Variants in HLA-DMA observed in about 807,000 individuals in gnomAD.
The protein encoded by HLA-DMA is major histocompatibility complex, class II, DM alpha.
HLA-DMA carries 20 observed loss-of-function variants against 27.3 expected under a neutral mutation model. The ratio of observed to expected loss-of-function variants is 0.73; its 90% CI spans 0.52 to 1.07. The LOEUF is 1.07. Among genes scored for constraint, HLA-DMA ranks in the 50% least tolerant of loss-of-function variants. The pLI, the probability that HLA-DMA is intolerant of heterozygous loss-of-function variation, is 0.00. For missense variants in HLA-DMA, 241 were observed against 321.7 expected (o/e 0.75, Z 1.92); for synonymous variants, 111 against 126.8 (o/e 0.88, Z 0.83).
Position 32,949,156 on chromosome 6 carries a change from A to C in HLA-DMA, c.781+115T>G, listed in dbSNP as rs537941911. 45 of 1,410,808 alleles carry C rather than the reference A, an allele frequency of 3.2e-5. No homozygotes were observed. In the South Asian group the frequency reaches 4.9e-4, roughly 15 times the overall value. The allele number at this position is 1,410,808 out of a possible 1,614,324, so 87.4% of individuals were successfully genotyped here. A position where few individuals can be genotyped will look rare whatever the true frequency, so the allele number is the denominator to read the frequency against. ...TGCTGGATACAGGCCCCCACACCCA[A>C]GGGCCTGAGGATCGCTATATGTCCC... On this transcript the variant is annotated intron_variant, in intron 4 of 4. Transcript: ENST00000374843. The surrounding 1 kb of genome is among the most constrained non-coding windows in gnomAD (Gnocchi z 5.8).
chr6:32,949,321 A>C lies in HLA-DMA; in HGVS notation c.731T>G (p.Ile244Ser). ...GVAFGLGVLG[I>S]IVGIVLIIYF... ...GATGATGAGAACAATGCCCACGATG[A>C]TGCCCAGCACACCCAGGCCAAAGGC... Residue 244 changes from isoleucine to serine, a missense_variant, in exon 4 of 5, where the codon ATC (isoleucine) becomes AGC (serine). Physicochemically the swap from Ile to Ser is moderately radical, Grantham distance 142. Transcript: ENST00000374843. The surrounding 1 kb of genome is among the most constrained non-coding windows in gnomAD (Gnocchi z 5.8). The C allele has an allele frequency of 6.2e-7, 1 of 1,614,214 alleles. No individual in the cohort carries two copies. The highest frequency in any genetic ancestry group is 8.5e-7 in the Non-Finnish European group (1 of 1,180,044).
At position 32,950,857 on chromosome 6, in the gene HLA-DMA, T is replaced by G. The variant is rs866050894; in HGVS notation, c.89-54A>C. 1 of 1,562,222 alleles carries G rather than the reference T, an allele frequency of 6.4e-7. No individual in the cohort carries two copies. Among genetic ancestry groups the G allele is most frequent in the Middle Eastern group, 1.7e-4 (1 of 5,804 alleles). ...GAGGTGGGAGCCTTCTCCTCCAACT[T>G]AAAAAACAGCAAGGTGGGGCTAGGC... On this transcript the variant is annotated intron_variant, in intron 1 of 4. Coordinates refer to ENST00000374843, the MANE Select transcript of HLA-DMA (RefSeq NM_006120.4). This position sits in a 1 kb window ranked among gnomAD's most constrained non-coding sequence, Gnocchi z 5.0.
At chr6:32,951,191 G>A (rs1011282375) in intron 1 of HLA-DMA, among the ~76,000 whole-genome samples, 4 of 152,080 alleles carry the variant, frequency 2.6e-5, no homozygotes, top group African/African-American at 7.2e-5. Context: ...CTTAAGGAGC[G>A]TGGGCTGAGG....
At position 32,949,214 on chromosome 6, in the gene HLA-DMA, G is replaced by C; in HGVS notation, c.781+57C>G. The C allele has an allele frequency of 2.5e-6, 4 of 1,608,782 alleles. No individual in the cohort carries two copies. In the Admixed American group the frequency reaches 6.7e-5, roughly 27 times the overall value. ...CACAAAATAATCCTGACACATGCAC[G>C]CATGCACCACTGTATCTGGCTCCCA... On this transcript the variant is annotated intron_variant, in intron 4 of 4. Coordinates refer to ENST00000374843, the MANE Select transcript of HLA-DMA (RefSeq NM_006120.4). This position sits in a 1 kb window ranked among gnomAD's most constrained non-coding sequence, Gnocchi z 5.8.
chr6:32,949,469 T>A lies in HLA-DMA; in HGVS notation c.653-70A>T, dbSNP rs1019417472. On this transcript the variant is annotated intron_variant, in intron 3 of 4. Coordinates refer to ENST00000374843, the MANE Select transcript of HLA-DMA (RefSeq NM_006120.4). This position sits in a 1 kb window ranked among gnomAD's most constrained non-coding sequence, Gnocchi z 5.8. The stretch of plus-strand genomic sequence containing the variant: ...CTCCCACCCAGGGAAATGACGTGGG[T>A]GTCTGGGATGACATGGGAGACTGGG... The A allele has an allele frequency of 6.2e-7, 1 of 1,606,930 alleles. No homozygotes were observed. Among genetic ancestry groups the A allele is most frequent in the Non-Finnish European group, 8.5e-7 (1 of 1,174,684 alleles).
chr6:32,952,709 T>C (rs1434385964), intron 1 of HLA-DMA, among the ~76,000 whole-genome samples: 1 of 152,238 alleles, frequency 6.6e-6, no homozygotes, highest in Non-Finnish European at 1.5e-5. Context: ...TGAGTCTCAT[T>C]TTCTTCATTT....
chr6:32,952,827 TC>T (rs1314722389), intron 1 of HLA-DMA, 121 bp downstream of exon 1: 8 of 712,100 alleles, frequency 1.1e-5, no homozygotes, highest in Non-Finnish European at 2.0e-5. Flanking sequence ...CTTTCCCCAC[TC>T]CCCTGTTGTT....
Position 32,950,426 on chromosome 6 carries a change from G to A in HLA-DMA, c.373+93C>T. 7.1e-7 allele frequency: 1 copy of A among 1,402,796 alleles called. No homozygotes were observed. Among genetic ancestry groups the A allele is most frequent in the Non-Finnish European group, 9.9e-7 (1 of 1,011,198 alleles). 86.9% of individuals were successfully genotyped at this position (1,402,796 alleles called of 1,614,324 possible). On this transcript the variant is annotated intron_variant, in intron 2 of 4. Transcript: ENST00000374843. The surrounding 1 kb of genome is among the most constrained non-coding windows in gnomAD (Gnocchi z 5.0). Reference sequence around the variant, plus strand: ...ATGAAGAGAACCAGAAAGTATTTGAGATGGGGAGCTGGTATCAAGGGGAAT... The same window carrying A: ...ATGAAGAGAACCAGAAAGTATTTGAAATGGGGAGCTGGTATCAAGGGGAAT...
intron 1 of HLA-DMA, among the ~76,000 whole-genome samples, chr6:32,951,450 C>T (rs915976948): frequency 1.5e-5 from 2 of 134,164 alleles, no homozygotes; most frequent in Admixed American, 7.2e-5. Flanking sequence ...GGCAACACAG[C>T]GAGACCCTGT....
chr6:32,950,659 C>T lies in HLA-DMA; in HGVS notation c.233G>A (p.Arg78Gln), dbSNP rs759398910. 8 of 1,613,010 alleles carry T rather than the reference C, an allele frequency of 5.0e-6. No individual in the cohort carries two copies. Among genetic ancestry groups the T allele is most frequent in the South Asian group, 2.2e-5 (2 of 91,080 alleles). Residue 78 changes from arginine (R) to glutamine (Q), a missense_variant, in exon 2 of 5, where the codon CGG (arginine) becomes CAG (glutamine). Physicochemically the swap from Arg to Gln is conservative, Grantham distance 43. Transcript: ENST00000374843. The surrounding 1 kb of genome is among the most constrained non-coding windows in gnomAD (Gnocchi z 5.0). ...AGCAAATTCGGGCAGGCGAGGCACC[C>T]GAGTGTTCTGGGAAAAGTCGAAGAA... ...LFFFDFSQNTRVPRLPEFADW... is the reference protein window; with the variant it reads ...LFFFDFSQNTQVPRLPEFADW...
chr6:32,952,055 G>A (rs1194136308), intron 1 of HLA-DMA, among the ~76,000 whole-genome samples: 2 of 152,208 alleles, frequency 1.3e-5, no homozygotes, highest in Admixed American at 6.5e-5. Context: ...AAAGAAGCAA[G>A]TGAAAGCCTG....
At position 32,950,631 on chromosome 6, in the gene HLA-DMA, G is replaced by A; in HGVS notation, c.261C>T (p.Asp87=). The A allele has an allele frequency of 1.2e-6, 2 of 1,613,116 alleles. No homozygotes were observed. The highest frequency in any genetic ancestry group is 1.7e-6 in the Non-Finnish European group (2 of 1,180,036). Residue 87 remains aspartate, a synonymous_variant, in exon 2 of 5, where the codon GAC becomes GAT. Coordinates refer to ENST00000374843, the MANE Select transcript of HLA-DMA (RefSeq NM_006120.4). The surrounding 1 kb of genome is among the most constrained non-coding windows in gnomAD (Gnocchi z 5.0). ...GAGCATCTCCCTGTTCCTGAGCCCAGTCAGCAAATTCGGGCAGGCGAGGCA... is the reference window on the plus strand; with the variant it reads ...GAGCATCTCCCTGTTCCTGAGCCCAATCAGCAAATTCGGGCAGGCGAGGCA... The part of the protein sequence containing the change: ...TRVPRLPEFA[D]WAQEQGDAPA...
Position 32,949,767 on chromosome 6 carries a change from C to T in HLA-DMA, c.496G>A (p.Val166Ile), listed in dbSNP as rs1063478. 212,141 of 1,612,842 alleles carry T rather than the reference C, an allele frequency of 0.13. 15,553 individuals carry two copies. The highest frequency in any genetic ancestry group is 0.22 in the South Asian group (19,983 of 91,080). ...MLTVNWQHHS[V>I]PVEGFGPTFV... ...GTAGGCCCAAATCCTTCCACAGGGA[C>T]GGAATGATGCTGCCAGTTCACTGTC... The change falls in exon 3 of 5, where the codon GTC becomes ATC. Residue 166 changes from valine to isoleucine, a missense_variant. By Grantham distance (29) the Val-to-Ile change is conservative. Transcript: ENST00000374843. The surrounding 1 kb of genome is among the most constrained non-coding windows in gnomAD (Gnocchi z 5.8).
intron 4 of HLA-DMA, 104 bp from the exon 5 acceptor site, chr6:32,948,972 C>T (rs1189674250): frequency 7.7e-7 from 1 of 1,306,768 alleles, no homozygotes; most frequent in Non-Finnish European, 1.1e-6. Flanking sequence ...CCTGCCTGCA[C>T]CACACCCTGC....
In HLA-DMA at chr6:32,949,080, T is replaced by A. The variant is rs955039275; in HGVS notation, c.781+191A>T. Among the ~76,000 whole-genome samples the A allele has an allele frequency of 6.6e-6, 1 of 152,108 alleles. No individual in the cohort carries two copies. Among genetic ancestry groups the A allele is most frequent in the South Asian group, 2.1e-4 (1 of 4,826 alleles). ...CACTCAAAGCAATTCTTGTGACCCA[T>A]AACTGTGTGTGTGTAACTGGGTCCC... On this transcript the variant is annotated intron_variant, in intron 4 of 4. Transcript: ENST00000374843. The surrounding 1 kb of genome is among the most constrained non-coding windows in gnomAD (Gnocchi z 5.8).
chr6:32,949,437 A>G lies in HLA-DMA; in HGVS notation c.653-38T>C. On this transcript the variant is annotated intron_variant, in intron 3 of 4. Coordinates refer to ENST00000374843, the MANE Select transcript of HLA-DMA (RefSeq NM_006120.4). The surrounding 1 kb of genome is among the most constrained non-coding windows in gnomAD (Gnocchi z 5.8). ...AGTGGCTCAGCCTGGGGACCTAGTT[A>G]GGGAGCCTCCCACCCAGGGAAATGA... is the stretch of plus-strand genomic sequence containing the variant. 6.2e-7 allele frequency: 1 copy of G among 1,612,292 alleles called. No homozygotes were observed. Among genetic ancestry groups the G allele is most frequent in the East Asian group, 2.2e-5 (1 of 44,764 alleles).
In HLA-DMA at chr6:32,950,373, GA is replaced by G. The variant is rs1776841951; in HGVS notation, c.373+145del. Reference sequence around the variant, plus strand: ...GCCCACCAAAAGAACACAGGGTGCAGACCAAGGCTGGTGGAAAAATTAAGGT... The same window carrying G: ...GCCCACCAAAAGAACACAGGGTGCAGCCAAGGCTGGTGGAAAAATTAAGGT... On this transcript the variant is annotated intron_variant, in intron 2 of 4. Coordinates refer to ENST00000374843, the MANE Select transcript of HLA-DMA (RefSeq NM_006120.4). The surrounding 1 kb of genome is among the most constrained non-coding windows in gnomAD (Gnocchi z 5.0). 1 of 1,019,650 alleles carries G rather than the reference GA, an allele frequency of 9.8e-7. No individual in the cohort carries two copies. The highest frequency in any genetic ancestry group is 1.5e-6 in the Non-Finnish European group (1 of 675,624). 63.2% of individuals were successfully genotyped at this position (1,019,650 alleles called of 1,614,324 possible).
chr6:32,950,434 G>C lies in HLA-DMA; in HGVS notation c.373+85C>G. 1.4e-6 allele frequency: 2 copies of C among 1,431,212 alleles called. No homozygotes were observed. The highest frequency in any genetic ancestry group is 1.9e-6 in the Non-Finnish European group (2 of 1,034,224). 88.7% of individuals were successfully genotyped at this position (1,431,212 alleles called of 1,614,324 possible). Reference sequence around the variant, plus strand: ...AACCAGAAAGTATTTGAGATGGGGAGCTGGTATCAAGGGGAATTATTCAGT... The same window carrying C: ...AACCAGAAAGTATTTGAGATGGGGACCTGGTATCAAGGGGAATTATTCAGT... On this transcript the variant is annotated intron_variant, in intron 2 of 4. Coordinates refer to ENST00000374843, the MANE Select transcript of HLA-DMA (RefSeq NM_006120.4). The surrounding 1 kb of genome is among the most constrained non-coding windows in gnomAD (Gnocchi z 5.0).
chr6:32,952,702 G>A (rs1176178070), intron 1 of HLA-DMA, among the ~76,000 whole-genome samples: 1 of 152,212 alleles, frequency 6.6e-6, no homozygotes, highest in African/African-American at 2.4e-5. Context: ...ATAACTCTGA[G>A]TCTCATTTTC....
Sources: allele counts gnomAD v4.1 joint callset (sites outside exome capture counted in the v4.1 genomes callset), GRCh38; gene constraint gnomAD v4.1.1; non-coding constraint Gnocchi (gnomAD v3.1); transcripts MANE v1.5; gene names NCBI Gene and HGNC (gene_info 2026-07-23, HGNC 2026-07-21).